Variants in TIPARP observed in about 807,000 individuals in gnomAD.
TIPARP encodes the protein TCDD inducible poly(ADP-ribose) polymerase, also known as protein mono-ADP-ribosyltransferase TIPARP.
Under a neutral mutation model 56.5 loss-of-function variants are expected in TIPARP, and 12 were observed. The ratio of observed to expected loss-of-function variants is 0.21; its 90% CI spans 0.14 to 0.34. The LOEUF (loss-of-function observed/expected upper bound fraction) is 0.34, where lower values mean the gene tolerates loss of function less well. Among genes scored for constraint, TIPARP ranks in the 10% least tolerant of loss-of-function variants. TIPARP has a pLI of 1.00. For synonymous variants in TIPARP, 296 were observed against 265.7 expected, an observed-to-expected ratio of 1.11 and a Z score of -1.11; for missense variants, 604 against 781.6, an observed-to-expected ratio of 0.77 and a Z score of 2.71.
chr3:156,681,261 C>A, intron 2 of TIPARP: 1 of 453,760 alleles, frequency 2.2e-6, no homozygotes, highest in Non-Finnish European at 4.4e-6. Context: ...GCTGGTCTAT[C>A]TGTGCAGATT....
chr3:156,678,412 G>A lies in TIPARP; in HGVS notation c.715G>A (p.Gly239Arg). 6.2e-7 allele frequency: 1 copy of A among 1,614,166 alleles called. No homozygotes were observed. ...QLQYHTHQEN[G>R]IEICMDFLQG... ...GCAGTACCACACTCACCAAGAGAAC[G>A]GAATTGAAATTTGCATGGACTTTCT... is the stretch of plus-strand genomic sequence containing the variant. The change falls in exon 2 of 6, where the codon GGA (glycine) becomes AGA (arginine). Residue 239 changes from glycine (G) to arginine (R), a missense_variant. Coordinates refer to ENST00000295924, the MANE Select transcript of TIPARP (RefSeq NM_015508.5).
In TIPARP at chr3:156,678,494, A is replaced by C. The variant is rs1722208504; in HGVS notation, c.797A>C (p.Tyr266Ser). ...TTGAAGCACCACACTGTCTTGCCATATCATTGGCAGATCAAAAGGACAACT... is the reference window on the plus strand; with the variant it reads ...TTGAAGCACCACACTGTCTTGCCATCTCATTGGCAGATCAAAAGGACAACT... Reference protein sequence around the residue: ...DCLKHHTVLPYHWQIKRTTTQ... With the variant: ...DCLKHHTVLPSHWQIKRTTTQ... Residue 266 changes from tyrosine (Y) to serine (S), a missense_variant, in exon 2 of 6, where the codon TAT becomes TCT. By Grantham distance (144) the Tyr-to-Ser change is moderately radical. Around this residue, in one of 4 missense-constraint regions of TIPARP, gnomAD observed 14 missense variants for 37.6 expected, o/e 0.37. Transcript: ENST00000295924. 1 of 1,614,076 alleles carries C rather than the reference A, an allele frequency of 6.2e-7. No homozygotes were observed. The highest frequency in any genetic ancestry group is 8.5e-7 in the Non-Finnish European group (1 of 1,180,006).
chr3:156,690,619 T>A (rs975362721), intron 2 of TIPARP, among the ~76,000 whole-genome samples: 4 of 152,186 alleles, frequency 2.6e-5, no homozygotes, highest in African/African-American at 7.2e-5. Flanking sequence ...AGTTCATTCT[T>A]CCCTTAATAG....
intron 2 of TIPARP, among the ~76,000 whole-genome samples, chr3:156,692,661 T>A (rs1722605365): frequency 6.6e-6 from 1 of 152,132 alleles, no homozygotes; most frequent in Non-Finnish European, 1.5e-5. Context: ...TATATGGTTG[T>A]TTTTTCAGTG....
Position 156,677,666 on chromosome 3 carries a change from A to G in TIPARP, c.-32A>G, listed in dbSNP as rs1722176563. ...CTTCCTTTCCTCGTAGGATTTTTAGACTCTGAGGAGCAGTTGGAGCTAATC... is the reference window on the plus strand; with the variant it reads ...CTTCCTTTCCTCGTAGGATTTTTAGGCTCTGAGGAGCAGTTGGAGCTAATC... On this transcript the variant is annotated 5_prime_UTR_variant, in exon 2 of 6. Transcript: ENST00000295924. 1 of 1,522,080 alleles carries G rather than the reference A, an allele frequency of 6.6e-7. No homozygotes were observed. The highest frequency in any genetic ancestry group is 8.8e-7 in the Non-Finnish European group (1 of 1,138,446). The allele number at this position is 1,522,080 out of a possible 1,614,324, so 94.3% of individuals were successfully genotyped here.
At chr3:156,682,663 G>A (rs1722336961) in intron 2 of TIPARP, among the ~76,000 whole-genome samples, 1 of 152,198 alleles carries the variant, frequency 6.6e-6, no homozygotes, top group African/African-American at 2.4e-5. Flanking sequence ...GCTCTGGCGT[G>A]CACAGCTGTG....
In TIPARP at chr3:156,705,238, C is replaced by T; in HGVS notation, c.*107C>T. On this transcript the variant is annotated 3_prime_UTR_variant, in exon 6 of 6. Coordinates refer to ENST00000295924, the MANE Select transcript of TIPARP (RefSeq NM_015508.5). ...GGAACAGCATTGGACATTAATAGGG[C>T]ACTTTTCAGACCCATTTTTTAAAGT... The T allele has an allele frequency of 1.3e-6, 1 of 762,966 alleles. No homozygotes were observed. Among genetic ancestry groups the T allele is most frequent in the Non-Finnish European group, 2.0e-6 (1 of 498,838 alleles). The allele number at this position is 762,966 out of a possible 1,614,324, so 47.3% of individuals were successfully genotyped here.
At chr3:156,680,236 ACT>A (rs1483131090) in intron 2 of TIPARP, among the ~76,000 whole-genome samples, 1 of 152,212 alleles carries the variant, frequency 6.6e-6, no homozygotes, top group African/African-American at 2.4e-5. Flanking sequence ...AATATATTAC[ACT>A]CAAGATTCCA....
Position 156,677,645 on chromosome 3 carries a change from C to T in TIPARP, c.-41-12C>T. Reference sequence around the variant, plus strand: ...AGTTTGTAAATGATCATCTTCCTTCCTTTCCTCGTAGGATTTTTAGACTCT... The same window carrying T: ...AGTTTGTAAATGATCATCTTCCTTCTTTTCCTCGTAGGATTTTTAGACTCT... On this transcript the variant is annotated splice_polypyrimidine_tract_variant and intron_variant, in intron 1 of 5. Transcript: ENST00000295924. 1 of 1,481,262 alleles carries T rather than the reference C, an allele frequency of 6.8e-7. No individual in the cohort carries two copies. The highest frequency in any genetic ancestry group is 1.4e-5 in the South Asian group (1 of 70,636). 91.8% of individuals were successfully genotyped at this position (1,481,262 alleles called of 1,614,324 possible).
intron 2 of TIPARP, among the ~76,000 whole-genome samples, chr3:156,686,916 A>C (rs961748600): frequency 2.0e-5 from 3 of 152,116 alleles, no homozygotes; most frequent in Non-Finnish European, 4.4e-5. Flanking sequence ...GGGATGTCAA[A>C]GTCTATATTC....
chr3:156,702,281 C>G (rs764017025), intron 4 of TIPARP, among the ~76,000 whole-genome samples: 19 of 152,170 alleles, frequency 1.2e-4, no homozygotes, highest in Admixed American at 1.2e-3. Context: ...TAGCTATACT[C>G]GGGCAAATTA....
At chr3:156,675,979 C>G (rs1722115072) in intron 1 of TIPARP, among the ~76,000 whole-genome samples, 1 of 152,196 alleles carries the variant, frequency 6.6e-6, no homozygotes, top group Admixed American at 6.5e-5. Flanking sequence ...AAAAGTTGCG[C>G]GCGCGCGCTT....
intron 2 of TIPARP, among the ~76,000 whole-genome samples, chr3:156,690,147 T>G (rs555930926): frequency 1.6e-4 from 25 of 152,270 alleles, no homozygotes; most frequent in Non-Finnish European, 3.1e-4. Flanking sequence ...ATGGTTACAC[T>G]CTTTACTGAG....
chr3:156,680,693 A>G (rs1722274378), intron 2 of TIPARP, among the ~76,000 whole-genome samples: 2 of 152,262 alleles, frequency 1.3e-5, no homozygotes, highest in Non-Finnish European at 2.9e-5. Context: ...TTCTTAGGTC[A>G]GGAGCATATG....
rs147594320 is a variant in TIPARP at position 156,689,104 on chromosome 3, T to C, written c.918-4916T>C. Among the ~76,000 whole-genome samples the C allele has an allele frequency of 1.4e-4, 21 of 152,330 alleles. 1 individual carries two copies. Among genetic ancestry groups the C allele is most frequent in the African/African-American group, 4.1e-4 (17 of 41,576 alleles). The stretch of plus-strand genomic sequence containing the variant: ...AGTCTAACCGATCTGGTTAAAACTG[T>C]ACAGAGTAGGATTCAGAAAACTTTG... On this transcript the variant is annotated intron_variant, in intron 2 of 5. Transcript: ENST00000295924.
chr3:156,680,076 T>C (rs1364036036), intron 2 of TIPARP, among the ~76,000 whole-genome samples: 2 of 152,196 alleles, frequency 1.3e-5, no homozygotes, highest in Admixed American at 1.3e-4. Context: ...ACTAGAACTT[T>C]GCATCTTGTG....
rs868515771 is a variant in TIPARP at position 156,677,706 on chromosome 3, G to A, written c.9G>A (p.Met3Ile). ME[M>I]ETTEPEPDCV... Reference sequence around the variant, plus strand: ...TGGAGCTAATCCACATTATGGAAATGGAAACCACCGAACCTGAGCCAGACT... The same window carrying A: ...TGGAGCTAATCCACATTATGGAAATAGAAACCACCGAACCTGAGCCAGACT... Residue 3 changes from methionine (M) to isoleucine (I), a missense_variant, in exon 2 of 6, where the codon ATG becomes ATA. This residue lies in a region of TIPARP where 261 missense variants were observed against 279.2 expected (regional missense o/e 0.93). Transcript: ENST00000295924. 1.9e-6 allele frequency: 3 copies of A among 1,578,784 alleles called. No individual in the cohort carries two copies. The highest frequency in any genetic ancestry group is 2.7e-5 in the African/African-American group (2 of 72,942).
chr3:156,689,320 A>C (rs979427820), intron 2 of TIPARP, among the ~76,000 whole-genome samples: 1 of 152,118 alleles, frequency 6.6e-6, no homozygotes, highest in African/African-American at 2.4e-5. Context: ...TCCTTCATGC[A>C]GTTAAATTCT....
At chr3:156,701,833 C>T (rs1455457770) in intron 4 of TIPARP, among the ~76,000 whole-genome samples, 2 of 152,136 alleles carry the variant, frequency 1.3e-5, no homozygotes, top group African/African-American at 4.8e-5. Context: ...AAAAGCACCT[C>T]GGAGATTCAG....
Sources: allele counts gnomAD v4.1 joint callset (sites outside exome capture counted in the v4.1 genomes callset), GRCh38; gene constraint gnomAD v4.1.1; regional missense constraint gnomAD v4.1.1; transcripts MANE v1.5; gene names NCBI Gene and HGNC (gene_info 2026-07-23, HGNC 2026-07-21).